The following MAP4K2 variants were observed in gnomAD, a reference collection of about 807,000 sequenced individuals.
The protein encoded by MAP4K2 is B lymphocyte serine/threonine protein kinase.
In MAP4K2, 85 loss-of-function variants were observed where a neutral mutation model predicts 125.3. That is an observed-to-expected ratio of 0.68 (90% confidence interval 0.57 to 0.81). The LOEUF (loss-of-function observed/expected upper bound fraction) is 0.81. MAP4K2 is among the 40% of genes least tolerant of loss of function. MAP4K2 has a pLI of 0.00. For synonymous variants in MAP4K2, 479 were observed against 445.1 expected (o/e 1.08, Z -0.96); for missense variants, 923 against 1,056.4 (o/e 0.87, Z 1.75).
chr11:64,797,059 A>C, intron 19 of MAP4K2, 36 bp from the exon 20 acceptor site: 1 of 1,614,072 alleles, frequency 6.2e-7, no homozygotes, highest in South Asian at 1.1e-5. Context: ...CTGATATGAC[A>C]GCTGTAGCCG....
intron 15 of MAP4K2, among the ~76,000 whole-genome samples, chr11:64,798,008 T>TC (rs1940934461): frequency 6.6e-6 from 1 of 150,954 alleles, no homozygotes; most frequent in African/African-American, 2.4e-5. Flanking sequence ...GGGCTTTTTT[T>TC]TTTTTTTTTA....
intron 7 of MAP4K2, 124 bp from the exon 8 acceptor site, chr11:64,801,307 C>T: frequency 8.1e-7 from 1 of 1,227,882 alleles, no homozygotes; most frequent in Non-Finnish European, 1.2e-6. Flanking sequence ...TTGGTCACAG[C>T]TGCCGCAGGC....
At position 64,802,619 on chromosome 11, in the gene MAP4K2, G is replaced by C. The variant is rs374291902; in HGVS notation, c.189C>G (p.Thr63=). Residue 63 remains threonine (T), a synonymous_variant, in exon 3 of 32, where the codon ACC becomes ACG. Coordinates refer to ENST00000294066, the MANE Select transcript of MAP4K2 (RefSeq NM_004579.5). ...TGGGGTGGCGGCACTCACGCAGGAT[G>C]GTGATTTCCTGCTGGAGGGAGCTGA... is the stretch of plus-strand genomic sequence containing the variant. ...DDISSLQQEI[T]ILRECRHPNV... The C allele has an allele frequency of 3.1e-6, 5 of 1,612,298 alleles. No homozygotes were observed. In the African/African-American group the frequency reaches 6.7e-5, roughly 22 times the overall value.
At chr11:64,796,210 G>A (rs1475306757) in intron 24 of MAP4K2, 63 bp downstream of exon 24, 17 of 1,402,498 alleles carry the variant, frequency 1.2e-5, no homozygotes, top group Non-Finnish European at 1.5e-5. Context: ...AACTGGCAAG[G>A]CCATGTTCCA....
In MAP4K2 at chr11:64,789,948, C is replaced by T. The variant is rs371801593; in HGVS notation, c.2260G>A (p.Asp754Asn). The T allele has an allele frequency of 7.4e-6, 12 of 1,613,388 alleles. No homozygotes were observed. Among genetic ancestry groups the T allele is most frequent in the Non-Finnish European group, 9.3e-6 (11 of 1,179,940 alleles). ...TGGCTCCAGAAGGCCAGCACACTGT[C>T]CTGCAGGCACACTATGGGGGCCAGG... is the stretch of plus-strand genomic sequence containing the variant. ...FPIETVVCLQ[D>N]SVLAFWSHGM... Residue 754 changes from aspartate (D) to asparagine (N), a missense_variant, in exon 30 of 32, where the codon GAC (aspartate) becomes AAC (asparagine). Around this residue, in one of 2 missense-constraint regions of MAP4K2, gnomAD observed 90 missense variants for 144.9 expected, o/e 0.62. Coordinates refer to ENST00000294066, the MANE Select transcript of MAP4K2 (RefSeq NM_004579.5).
rs775488110 is a variant in MAP4K2 at position 64,800,294 on chromosome 11, G to A, written c.807+17C>T. The A allele has an allele frequency of 2.1e-5, 34 of 1,613,532 alleles. No individual in the cohort carries two copies. The highest frequency in any genetic ancestry group is 6.7e-5 in the East Asian group (3 of 44,896). ...CTTTTGAGTACTGGGCCTCTCTCCCGGCCCCCTGCCTCCCACCTGCAGGAG... is the reference window on the plus strand; with the variant it reads ...CTTTTGAGTACTGGGCCTCTCTCCCAGCCCCCTGCCTCCCACCTGCAGGAG... On this transcript the variant is annotated intron_variant, in intron 11 of 31. Transcript: ENST00000294066.
chr11:64,802,875 G>T lies in MAP4K2; in HGVS notation c.154+10C>A. The T allele has an allele frequency of 6.3e-7, 1 of 1,598,988 alleles. No homozygotes were observed. The highest frequency in any genetic ancestry group is 8.5e-7 in the Non-Finnish European group (1 of 1,173,792). ...TTCCTCTGGCGCAGAGGCCCGACCC[G>T]GGCCCTCACCTGGGTCTAGCTTGAC... On this transcript the variant is annotated intron_variant, in intron 2 of 31. Transcript: ENST00000294066.
intron 15 of MAP4K2, 34 bp from the exon 16 acceptor site, chr11:64,797,698 C>G: frequency 7.3e-7 from 1 of 1,368,428 alleles, no homozygotes; most frequent in Non-Finnish European, 9.6e-7. Context: ...AGAGGTCAAC[C>G]TTTCCTTTTT....
rs570178564 is a variant in MAP4K2, at chr11:64,797,207, G to A, written c.1277-15C>T. 48 of 1,612,056 alleles carry A rather than the reference G, an allele frequency of 3.0e-5. 1 individual carries two copies. The highest frequency in any genetic ancestry group is 1.7e-4 in the African/African-American group (13 of 75,024). On this transcript the variant is annotated splice_polypyrimidine_tract_variant and intron_variant, in intron 18 of 31. Coordinates refer to ENST00000294066, the MANE Select transcript of MAP4K2 (RefSeq NM_004579.5). Reference sequence around the variant, plus strand: ...GGGCAGGGTTCCTGCAGGCACAGGCGTGCTGTAATTTCCTGCTGTAGCCCC... The same window carrying A: ...GGGCAGGGTTCCTGCAGGCACAGGCATGCTGTAATTTCCTGCTGTAGCCCC...
At position 64,796,259 on chromosome 11, in the gene MAP4K2, C is replaced by A. The variant is rs532269586; in HGVS notation, c.1751+14G>T. On this transcript the variant is annotated intron_variant, in intron 24 of 31. Transcript: ENST00000294066. ...CCTCTGCCTCCCGCTCCCTGCACGC[C>A]CAAGATCCCTGACCTGGGGATGATG... The A allele has an allele frequency of 2.6e-6, 4 of 1,521,948 alleles. No individual in the cohort carries two copies. The African/African-American group carries it at 5.6e-5, about 21-fold the overall frequency. 94.3% of individuals were successfully genotyped at this position (1,521,948 alleles called of 1,614,324 possible).
rs1940341164 is a variant in MAP4K2 at position 64,789,480 on chromosome 11, G to C, written c.*57C>G. ...CTAGGATGGGCCCCTTTGCCCAAAA[G>C]GGCCTGCAGCTAAGGCGTGGGGTGG... On this transcript the variant is annotated 3_prime_UTR_variant, in exon 32 of 32. Coordinates refer to ENST00000294066, the MANE Select transcript of MAP4K2 (RefSeq NM_004579.5). The C allele has an allele frequency of 6.7e-7, 1 of 1,497,610 alleles. No individual in the cohort carries two copies. 92.8% of individuals were successfully genotyped at this position (1,497,610 alleles called of 1,614,324 possible).
intron 27 of MAP4K2, among the ~76,000 whole-genome samples, chr11:64,791,651 G>A (rs541442020): frequency 1.1e-4 from 16 of 152,314 alleles, no homozygotes; most frequent in African/African-American, 3.4e-4. Context: ...GATTACAGGC[G>A]TGAGCCACTG....
intron 28 of MAP4K2, 32 bp from the exon 29 acceptor site, chr11:64,790,306 G>A (rs745699530): frequency 1.2e-5 from 19 of 1,613,158 alleles, no homozygotes; most frequent in Non-Finnish European, 1.5e-5. Flanking sequence ...GAGTGGGGAC[G>A]GGGAGGCTCC....
rs546791184 is a variant in MAP4K2 at position 64,791,857 on chromosome 11, C to T, written c.2092+52G>A. 8.2e-5 allele frequency: 120 copies of T among 1,457,018 alleles called. No individual in the cohort carries two copies. In the South Asian group the frequency reaches 9.0e-4, roughly 11 times the overall value. 90.3% of individuals were successfully genotyped at this position (1,457,018 alleles called of 1,614,324 possible). ...CTTGGCCCTCCCTGCCTCCCTCCCT[C>T]GGTCTCTCATGCACACACACCCACC... On this transcript the variant is annotated intron_variant, in intron 27 of 31. Transcript: ENST00000294066.
chr11:64,799,082 G>A (rs915876771), intron 14 of MAP4K2, among the ~76,000 whole-genome samples: 5 of 152,204 alleles, frequency 3.3e-5, no homozygotes, highest in African/African-American at 9.7e-5. Flanking sequence ...TGACAGAGCC[G>A]ATGAGGGCAG....
Position 64,792,330 on chromosome 11 carries a change from G to T in MAP4K2, c.1810+34C>A, listed in dbSNP as rs1230502715. On this transcript the variant is annotated intron_variant, in intron 25 of 31. Transcript: ENST00000294066. ...GCTGGGCCTGCGCTGCCCCCCACCA[G>T]GCCCCGCCCCACCCCGCCCAGCCCA... 7 of 1,547,326 alleles carry T rather than the reference G, an allele frequency of 4.5e-6. No individual in the cohort carries two copies. In the African/African-American group the frequency reaches 7.2e-5, roughly 16 times the overall value.
Position 64,799,487 on chromosome 11 carries a change from G to A in MAP4K2, c.995-8C>T, listed in dbSNP as rs751680243. 39 of 1,611,134 alleles carry A rather than the reference G, an allele frequency of 2.4e-5. No homozygotes were observed. The South Asian group carries it at 4.1e-4, about 17-fold the overall frequency. On this transcript the variant is annotated splice_polypyrimidine_tract_variant and splice_region_variant and intron_variant, in intron 13 of 31. Coordinates refer to ENST00000294066, the MANE Select transcript of MAP4K2 (RefSeq NM_004579.5). ...CAAATTTCACCTGGTGAACTGGGGG[G>A]CCCAGAGTACAAGAGTGAAGGAGCT...
chr11:64,802,796 G>T, intron 2 of MAP4K2, 89 bp downstream of exon 2: 2 of 1,495,588 alleles, frequency 1.3e-6, no homozygotes, highest in Non-Finnish European at 9.1e-7. Context: ...CCTCTCAGGG[G>T]TCTCGGAAAC....
At position 64,791,927 on chromosome 11, in the gene MAP4K2, C is replaced by T. The variant is rs772160557; in HGVS notation, c.2074G>A (p.Asp692Asn). 1.1e-5 allele frequency: 18 copies of T among 1,594,860 alleles called. No homozygotes were observed. Among genetic ancestry groups the T allele is most frequent in the South Asian group, 2.3e-5 (2 of 88,518 alleles). Reference protein sequence around the residue: ...VLPLEAGLTPDILIPPEGIPG... With the variant: ...VLPLEAGLTPNILIPPEGIPG... ...TGCTCACCAGGTGGGATGAGGATGT[C>T]GGGCGTCAGGCCAGCCTCCAGGGGC... is the stretch of plus-strand genomic sequence containing the variant. The change falls in exon 27 of 32, where the codon GAC becomes AAC. Residue 692 changes from aspartate (D) to asparagine (N), a missense_variant. Physicochemically the swap from Asp to Asn is conservative, Grantham distance 23 (BLOSUM62 1). Coordinates refer to ENST00000294066, the MANE Select transcript of MAP4K2 (RefSeq NM_004579.5).
Sources: gnomAD v4.1 joint callset for allele counts (sites outside exome capture counted in the v4.1 genomes callset) on GRCh38, gnomAD v4.1.1 for gene constraint, gnomAD v4.1.1 regional missense constraint, MANE v1.5 for transcripts, NCBI Gene and HGNC (gene_info 2026-07-23, HGNC 2026-07-21) for gene names.